Variants in DNAJB1 observed in about 807,000 individuals in gnomAD.
DNAJB1 encodes DnaJ heat shock protein family (Hsp40) member B1, also known as dnaJ homolog subfamily B member 1.
DNAJB1 carries 14 observed loss-of-function variants against 24.0 expected under a neutral mutation model. The ratio of observed to expected loss-of-function variants is 0.58; its 90% CI spans 0.39 to 0.91. The LOEUF (loss-of-function observed/expected upper bound fraction) is 0.91. DNAJB1 is among the 40% of genes least tolerant of loss of function. The pLI, the probability that DNAJB1 is intolerant of heterozygous loss-of-function variation, is 0.00. For missense variants in DNAJB1, 517 were observed against 458.1 expected, an observed-to-expected ratio of 1.13 and a Z score of -1.17; for synonymous variants, 262 against 174.4, an observed-to-expected ratio of 1.50 and a Z score of -3.96.
intron 2 of DNAJB1, among the ~76,000 whole-genome samples, chr19:14,524,171 A>T (rs2072392507): frequency 6.6e-6 from 1 of 152,158 alleles, no homozygotes; most frequent in South Asian, 2.1e-4. Context: ...GACTCAGATG[A>T]TCATAAAGCC....
At position 14,527,300 on chromosome 19, in the gene DNAJB1, G is replaced by A. The variant is rs1367009288; in HGVS notation, c.-90+426C>T. ...GGGTTCAACTGATTCTTCTGCCTCA[G>A]CTACTTGAGTAGCTGTGATTACAGG... On this transcript the variant is annotated intron_variant, in intron 2 of 3. Transcript: ENST00000396969. 4 of 141,626 alleles carry A rather than the reference G, an allele frequency of 2.8e-5. No individual in the cohort carries two copies. In the East Asian group the frequency reaches 8.9e-4, roughly 31 times the overall value. 8.8% of individuals were successfully genotyped at this position (141,626 alleles called of 1,614,324 possible).
chr19:14,540,349 T>G (rs748643732), intron 1 of DNAJB1, among the ~76,000 whole-genome samples: 1 of 152,124 alleles, frequency 6.6e-6, no homozygotes, highest in East Asian at 1.9e-4. Flanking sequence ...ATTACAGGCG[T>G]GAGCCACTGT....
upstream of DNAJB1, among the ~76,000 whole-genome samples, chr19:14,551,923 C>G (rs2073525175): frequency 1.5e-5 from 2 of 131,628 alleles, no homozygotes; most frequent in Non-Finnish European, 3.3e-5. Context: ...CCCTCCCTCC[C>G]TCCCTCTCTC....
upstream of DNAJB1, chr19:14,529,731 G>A: frequency 1.2e-6 from 2 of 1,614,046 alleles, no homozygotes; most frequent in Non-Finnish European, 1.7e-6. Context: ...GAGAAACAGG[G>A]GCCGTGTGGC....
intron 1 of DNAJB1, among the ~76,000 whole-genome samples, chr19:14,556,293 G>A (rs1031602460): frequency 4.0e-5 from 6 of 151,808 alleles, no homozygotes; most frequent in African/African-American, 7.3e-5. Flanking sequence ...TTGTTCACAC[G>A]CCACTTTCTC....
At chr19:14,557,263 C>T (rs920157953) in intron 1 of DNAJB1, among the ~76,000 whole-genome samples, 2 of 151,674 alleles carry the variant, frequency 1.3e-5, no homozygotes, top group African/African-American at 4.8e-5. Flanking sequence ...GACTCAACCT[C>T]CTGAGTAGCT....
chr19:14,556,897 G>T (rs931876962), intron 1 of DNAJB1, among the ~76,000 whole-genome samples: 1 of 152,020 alleles, frequency 6.6e-6, no homozygotes, highest in Non-Finnish European at 1.5e-5. Context: ...GGGTCAGCTC[G>T]GCCTCTGCAC....
rs1161257175 is a variant in DNAJB1, at chr19:14,535,756, CAAAAAAAAAAA to C, written c.-213-7957_-213-7947del. Among the ~76,000 whole-genome samples the C allele has an allele frequency of 1.3e-4, 7 of 51,946 alleles. No homozygotes were observed. The East Asian group carries it at 5.2e-3, about 39-fold the overall frequency. 34.1% of individuals were successfully genotyped at this position (51,946 alleles called of 152,430 possible). ...TGGGCAACAGAGTGAGACTCTGTCT[CAAAAAAAAAAA>C]AAAAAAAAAAGGGAAAGTGGTGAGC... On this transcript the variant is annotated intron_variant, in intron 1 of 3. Transcript: ENST00000676982.
intron 1 of DNAJB1, among the ~76,000 whole-genome samples, chr19:14,550,063 G>A (rs984448879): frequency 7.2e-5 from 11 of 151,928 alleles, no homozygotes; most frequent in Non-Finnish European, 1.0e-4. Flanking sequence ...TACATATAGC[G>A]ATTTATTTCA....
upstream of DNAJB1, chr19:14,518,526 C>T (rs1475444724): frequency 1.1e-4 from 52 of 458,382 alleles, no homozygotes; most frequent in Middle Eastern, 5.9e-4. Flanking sequence ...CTTTCAGCGA[C>T]ACGCGACATC....
In DNAJB1 at chr19:14,516,114, G is replaced by C. The variant is rs375886516; in HGVS notation, c.849C>G (p.Val283=). Residue 283 remains valine (V), a synonymous_variant, in exon 3 of 3, where the codon GTC becomes GTG. Coordinates refer to ENST00000254322, the MANE Select transcript of DNAJB1 (RefSeq NM_006145.3). ...VPTLDGRTIP[V]VFKDVIRPGM... is the part of the protein sequence containing the mutation. ...CAGGCCTGATAACATCTTTGAATAC[G>C]ACGGGTATCGTCCTGCCGTCCAGAG... The C allele has an allele frequency of 2.5e-6, 4 of 1,613,598 alleles. No homozygotes were observed. Among genetic ancestry groups the C allele is most frequent in the African/African-American group, 1.3e-5 (1 of 74,842 alleles).
At position 14,518,234 on chromosome 19, in the gene DNAJB1, G is replaced by A. The variant is rs201570588; in HGVS notation, c.116C>T (p.Pro39Leu). The stretch of plus-strand genomic sequence containing the variant: ...CTCCTTGAACTTCTCCTCGGCGCCG[G>A]GCTCCTTGTTCTTGTCCGGGTGGTA... ...LRYHPDKNKE[P>L]GAEEKFKEIA... Residue 39 changes from proline (P) to leucine (L), a missense_variant, in exon 1 of 3, where the codon CCC (proline) becomes CTC (leucine). Pro to Leu is a moderately conservative substitution (Grantham distance 98, BLOSUM62 -3). Transcript: ENST00000254322. 3 of 1,609,732 alleles carry A rather than the reference G, an allele frequency of 1.9e-6. No homozygotes were observed. Among genetic ancestry groups the A allele is most frequent in the East Asian group, 4.5e-5 (2 of 44,134 alleles).
upstream of DNAJB1, among the ~76,000 whole-genome samples, chr19:14,521,898 A>C (rs1278457305): frequency 6.6e-6 from 1 of 152,030 alleles, no homozygotes; most frequent in South Asian, 2.1e-4. Context: ...CTGGGATTAC[A>C]GGCGTGAGCC....
intron 2 of DNAJB1, among the ~76,000 whole-genome samples, chr19:14,523,586 A>T (rs142682300): frequency 1.3e-4 from 20 of 150,084 alleles, no homozygotes; most frequent in African/African-American, 4.7e-4. Context: ...TGCTGGGATT[A>T]CAAGGGTTGA....
chr19:14,554,003 C>T (rs756934761), upstream of DNAJB1, among the ~76,000 whole-genome samples: 10 of 152,162 alleles, frequency 6.6e-5, 1 homozygote, highest in South Asian at 6.3e-4. Context: ...CTGCGGGGTC[C>T]GAGAGAGCCT....
chr19:14,514,774 T>A lies in DNAJB1; in HGVS notation c.*1166A>T, dbSNP rs150491298. 2 of 152,702 alleles carry A rather than the reference T, an allele frequency of 1.3e-5. No individual in the cohort carries two copies. The highest frequency in any genetic ancestry group is 1.5e-5 in the Non-Finnish European group (1 of 68,026). The allele number at this position is 152,702 out of a possible 1,614,324, so 9.5% of individuals were successfully genotyped here. ...GAGTCACAGGACCGCTCCCCTGAGGTTTAGCATCAGTCTTTAATGCTGTCG... is the reference window on the plus strand; with the variant it reads ...GAGTCACAGGACCGCTCCCCTGAGGATTAGCATCAGTCTTTAATGCTGTCG... On this transcript the variant is annotated 3_prime_UTR_variant, in exon 3 of 3. Transcript: ENST00000254322.
chr19:14,545,664 TGTTG>T (rs1393719815), intron 1 of DNAJB1: 1 of 182,374 alleles, frequency 5.5e-6, no homozygotes, highest in Non-Finnish European at 1.2e-5. Context: ...GCACAGTCCG[TGTTG>T]GTTGCGTGCA....
intron 1 of DNAJB1, 168 bp downstream of exon 1, chr19:14,517,971 C>G (rs2072304000): frequency 2.0e-5 from 13 of 653,332 alleles, no homozygotes; most frequent in Non-Finnish European, 3.0e-5. Flanking sequence ...CCTCCTCCCA[C>G]CGCGCGGCCG....
chr19:14,521,317 G>A (rs777053404), upstream of DNAJB1, among the ~76,000 whole-genome samples: 14 of 151,966 alleles, frequency 9.2e-5, no homozygotes, highest in Non-Finnish European at 2.1e-4. Context: ...AAATTAGTCG[G>A]GTGCGGTGGC....
Sources: allele counts gnomAD v4.1 joint callset (sites outside exome capture counted in the v4.1 genomes callset), GRCh38; gene constraint gnomAD v4.1.1; transcripts MANE v1.5; gene names NCBI Gene and HGNC (gene_info 2026-07-23, HGNC 2026-07-21).